The following CYTIP variants were observed in gnomAD, a reference collection of about 807,000 sequenced individuals.
CYTIP encodes cytohesin-interacting protein.
In CYTIP, 26 loss-of-function variants were observed where a neutral mutation model predicts 43.8. The observed-to-expected ratio is 0.59, with a 90% CI of 0.44 to 0.82. CYTIP has a LOEUF of 0.82. Ranked by LOEUF, CYTIP falls within the 40% of genes least tolerant of loss-of-function variation. The pLI is 0.00. For synonymous variants in CYTIP, 162 were observed against 162.9 expected, an observed-to-expected ratio of 0.99 and a Z score of 0.04; for missense variants, 426 against 443.1, an observed-to-expected ratio of 0.96 and a Z score of 0.35.
intron 1 of CYTIP, among the ~76,000 whole-genome samples, chr2:157,442,535 G>A (rs1685933810): frequency 6.6e-6 from 1 of 151,676 alleles, no homozygotes; most frequent in African/African-American, 2.4e-5. Flanking sequence ...TAGTGTCATG[G>A]CAAATATAAA....
chr2:157,434,442 A>G lies in CYTIP; in HGVS notation c.225-18T>C. On this transcript the variant is annotated intron_variant, in intron 2 of 7. Transcript: ENST00000264192. ...CAAGCTTTCTGTAATAAAAATGTTTAAAAAAGAAACTGCATGAAAATTAAA... is the reference window on the plus strand; with the variant it reads ...CAAGCTTTCTGTAATAAAAATGTTTGAAAAAGAAACTGCATGAAAATTAAA... 1 of 1,585,620 alleles carries G rather than the reference A, an allele frequency of 6.3e-7. No homozygotes were observed. The highest frequency in any genetic ancestry group is 8.6e-7 in the Non-Finnish European group (1 of 1,157,386).
chr2:157,420,337 G>A (rs557363084), intron 6 of CYTIP, among the ~76,000 whole-genome samples: 7 of 152,058 alleles, frequency 4.6e-5, no homozygotes, highest in African/African-American at 1.2e-4. Flanking sequence ...CCAACATGGC[G>A]AAACCCCATC....
At chr2:157,430,316 T>G (rs1002828111) in intron 5 of CYTIP, among the ~76,000 whole-genome samples, 1 of 152,188 alleles carries the variant, frequency 6.6e-6, no homozygotes, top group Non-Finnish European at 1.5e-5. Flanking sequence ...GTAAAGGCCA[T>G]CCTTCCCACA....
intron 7 of CYTIP, among the ~76,000 whole-genome samples, chr2:157,417,275 A>T (rs1237586939): frequency 6.6e-6 from 1 of 152,168 alleles, no homozygotes; most frequent in Non-Finnish European, 1.5e-5. Context: ...TAAGTGATGA[A>T]TTTCTTTTGA....
At chr2:157,435,583 C>T (rs1685797645) in intron 1 of CYTIP, among the ~76,000 whole-genome samples, 1 of 152,120 alleles carries the variant, frequency 6.6e-6, no homozygotes, top group Non-Finnish European at 1.5e-5. Flanking sequence ...AAGGTGACAA[C>T]TTATTTTTTA....
intron 7 of CYTIP, among the ~76,000 whole-genome samples, chr2:157,417,621 T>C (rs1467105913): frequency 6.6e-6 from 1 of 151,882 alleles, no homozygotes; most frequent in Non-Finnish European, 1.5e-5. Flanking sequence ...AGAACTATTA[T>C]GAATTTTTTA....
At position 157,415,812 on chromosome 2, in the gene CYTIP, G is replaced by A; in HGVS notation, c.945C>T (p.Pro315=). The change falls in exon 8 of 8, where the codon CCC becomes CCT. Residue 315 remains proline, a synonymous_variant. Coordinates refer to ENST00000264192, the MANE Select transcript of CYTIP (RefSeq NM_004288.5). ...TGCTTGATAAGTTGCCCTCCCACAAGGGAGACATGGATCCGCTGCTGGTGT... is the reference window on the plus strand; with the variant it reads ...TGCTTGATAAGTTGCCCTCCCACAAAGGAGACATGGATCCGCTGCTGGTGT... ...ISNTSSGSMS[P]LWEGNLSSMF... is the part of the protein sequence containing the mutation. 1 of 1,614,200 alleles carries A rather than the reference G, an allele frequency of 6.2e-7. No individual in the cohort carries two copies. Among genetic ancestry groups the A allele is most frequent in the Non-Finnish European group, 8.5e-7 (1 of 1,180,034 alleles).
In CYTIP at chr2:157,434,291, A is replaced by C; in HGVS notation, c.279+79T>G. The C allele has an allele frequency of 2.6e-6, 3 of 1,155,278 alleles. No homozygotes were observed. The South Asian group carries it at 3.8e-5, about 15-fold the overall frequency. The allele number at this position is 1,155,278 out of a possible 1,614,324, so 71.6% of individuals were successfully genotyped here. On this transcript the variant is annotated intron_variant, in intron 3 of 7. Transcript: ENST00000264192. ...TCCATCATTCTCTAATCCTAACTTC[A>C]TTTTTTCTTTGCACATAACATGACA... is the stretch of plus-strand genomic sequence containing the variant.
In CYTIP at chr2:157,417,947, C is replaced by T. The variant is rs980883437; in HGVS notation, c.613+576G>A. On this transcript the variant is annotated intron_variant, in intron 7 of 7. Transcript: ENST00000264192. ...GTTACATCTATCATACAACAAATAGCGAATTAACACATTTTAAACTCAACC... is the reference window on the plus strand; with the variant it reads ...GTTACATCTATCATACAACAAATAGTGAATTAACACATTTTAAACTCAACC... Among the ~76,000 whole-genome samples, 43 of 152,240 alleles carry T rather than the reference C, an allele frequency of 2.8e-4. 2 individuals are homozygous for T. Among genetic ancestry groups the T allele is most frequent in the Admixed American group, 1.2e-3 (18 of 15,292 alleles).
In CYTIP at chr2:157,443,841, T is replaced by A; in HGVS notation, c.174+6A>T. The stretch of plus-strand genomic sequence containing the variant: ...CACTCTAAAGGGTACAAAATAGCAA[T>A]CATACCTGCTTTCGTCCCCGAGGCA... On this transcript the variant is annotated splice_donor_region_variant and intron_variant, in intron 1 of 7. Transcript: ENST00000264192. 6.2e-7 allele frequency: 1 copy of A among 1,613,774 alleles called. No individual in the cohort carries two copies. The highest frequency in any genetic ancestry group is 8.5e-7 in the Non-Finnish European group (1 of 1,179,790).
In CYTIP at chr2:157,434,428, T is replaced by A. The variant is rs1685773650; in HGVS notation, c.225-4A>T. 9 of 1,607,924 alleles carry A rather than the reference T, an allele frequency of 5.6e-6. No individual in the cohort carries two copies. The highest frequency in any genetic ancestry group is 6.8e-6 in the Non-Finnish European group (8 of 1,176,320). On this transcript the variant is annotated splice_region_variant and splice_polypyrimidine_tract_variant and intron_variant, in intron 2 of 7. Coordinates refer to ENST00000264192, the MANE Select transcript of CYTIP (RefSeq NM_004288.5). ...CTTCTCCACAGTAACAAGCTTTCTG[T>A]AATAAAAATGTTTAAAAAAGAAACT... is the stretch of plus-strand genomic sequence containing the variant.
At position 157,435,664 on chromosome 2, in the gene CYTIP, C is replaced by G. The variant is rs183991623; in HGVS notation, c.175-917G>C. 2.6e-5 allele frequency among the ~76,000 whole-genome samples: 4 copies of G among 152,186 alleles called. No homozygotes were observed. The East Asian group carries it at 7.7e-4, about 29-fold the overall frequency. On this transcript the variant is annotated intron_variant, in intron 1 of 7. Coordinates refer to ENST00000264192, the MANE Select transcript of CYTIP (RefSeq NM_004288.5). ...TTTGTTCAGGAAATGTTTATTAGCC[C>G]TATTCTCAAATGTTGCTTCAAGGGC...
intron 1 of CYTIP, among the ~76,000 whole-genome samples, chr2:157,437,888 G>C (rs886805075): frequency 2.0e-5 from 3 of 152,236 alleles, no homozygotes; most frequent in Admixed American, 1.3e-4. Context: ...TGCTGGTGAG[G>C]ATAAGGAGAA....
At chr2:157,426,013 T>G (rs1436045841) in intron 6 of CYTIP, among the ~76,000 whole-genome samples, 2 of 151,866 alleles carry the variant, frequency 1.3e-5, no homozygotes, top group Non-Finnish European at 2.9e-5. Context: ...GAAATCTATA[T>G]AGAAAATATA....
At chr2:157,436,127 G>A (rs1678642824) in intron 1 of CYTIP, among the ~76,000 whole-genome samples, 1 of 152,042 alleles carries the variant, frequency 6.6e-6, no homozygotes, top group South Asian at 2.1e-4. Flanking sequence ...CACTTATATC[G>A]CAATGGAGAC....
At chr2:157,418,919 C>T (rs534661358) in intron 6 of CYTIP, among the ~76,000 whole-genome samples, 1 of 152,276 alleles carries the variant, frequency 6.6e-6, no homozygotes, top group South Asian at 2.1e-4. Flanking sequence ...AGGATTTATA[C>T]TCTAGGATTC....
In CYTIP at chr2:157,414,885, C is replaced by A. The variant is rs1573851337; in HGVS notation, c.*792G>T. On this transcript the variant is annotated 3_prime_UTR_variant, in exon 8 of 8. Coordinates refer to ENST00000264192, the MANE Select transcript of CYTIP (RefSeq NM_004288.5). Reference sequence around the variant, plus strand: ...GGAGGGAAGTCCTTTTCCCAACCCTCAGTTTTGGATGTTAGACATTTGTAG... The same window carrying A: ...GGAGGGAAGTCCTTTTCCCAACCCTAAGTTTTGGATGTTAGACATTTGTAG... The A allele has an allele frequency of 6.6e-6, 1 of 152,116 alleles. No individual in the cohort carries two copies. Among genetic ancestry groups the A allele is most frequent in the Non-Finnish European group, 1.5e-5 (1 of 68,024 alleles). 9.4% of individuals were successfully genotyped at this position (152,116 alleles called of 1,614,324 possible).
At chr2:157,439,727 T>A (rs1454766456) in intron 1 of CYTIP, among the ~76,000 whole-genome samples, 3 of 152,240 alleles carry the variant, frequency 2.0e-5, no homozygotes, top group African/African-American at 7.2e-5. Context: ...CATTCAATTA[T>A]GACTGCTGAA....
rs1573859086 is a variant in CYTIP, at chr2:157,430,768, A to G, written c.382+92T>C. 3.4e-6 allele frequency: 5 copies of G among 1,468,330 alleles called. No individual in the cohort carries two copies. The East Asian group carries it at 1.1e-4, about 33-fold the overall frequency. 91.0% of individuals were successfully genotyped at this position (1,468,330 alleles called of 1,614,324 possible). On this transcript the variant is annotated intron_variant, in intron 4 of 7. Transcript: ENST00000264192. ...AAACATAAAGGAGCCAAGAAAACTC[A>G]AAGCAACAAATACATCCTGACCTTC...
Sources: gnomAD v4.1 joint callset for allele counts (sites outside exome capture counted in the v4.1 genomes callset) on GRCh38, gnomAD v4.1.1 for gene constraint, MANE v1.5 for transcripts, NCBI Gene and HGNC (gene_info 2026-07-23, HGNC 2026-07-21) for gene names.